SLC25A28: variants seen among roughly 807,000 people sequenced by gnomAD.
The protein encoded by SLC25A28 is solute carrier family 25 member 28.
In SLC25A28, 10 loss-of-function variants were observed where a neutral mutation model predicts 31.9. The observed-to-expected ratio is 0.31, with a 90% CI of 0.19 to 0.53. SLC25A28 has a LOEUF of 0.53. Ranked by LOEUF, SLC25A28 falls within the 20% of genes least tolerant of loss-of-function variation. The probability of loss-of-function intolerance (pLI) is 0.95; values close to 1 mark genes in which losing one functional copy is unlikely to be tolerated. For synonymous variants in SLC25A28, 208 were observed against 203.6 expected (o/e 1.02, Z -0.19); for missense variants, 256 against 490.3 (o/e 0.52, Z 4.51).
the SLC25A28 span, among the ~76,000 whole-genome samples, chr10:99,626,129 C>G: frequency 6.6e-6 from 1 of 152,208 alleles, no homozygotes; most frequent in Non-Finnish European, 1.5e-5. Context: ...ACCCCCTTCT[C>G]TGAACTGCCA....
chr10:99,617,611 C>T (rs2034688526), intron 1 of SLC25A28: 2 of 985,294 alleles, frequency 2.0e-6, no homozygotes, highest in Admixed American at 6.1e-5. Context: ...CATGCCTGCA[C>T]AAAAGTGTTT....
chr10:99,618,757 A>T, intron 1 of SLC25A28: 1 of 985,450 alleles, frequency 1.0e-6, no homozygotes, highest in East Asian at 1.1e-4. Context: ...GTCATTCACA[A>T]AGCTTAATGA....
the SLC25A28 span, among the ~76,000 whole-genome samples, chr10:99,650,240 C>T: frequency 3.9e-5 from 6 of 152,004 alleles, no homozygotes; most frequent in African/African-American, 1.2e-4. Flanking sequence ...TGCAGTGGTG[C>T]GATCACAGCT....
At position 99,613,606 on chromosome 10, in the gene SLC25A28, T is replaced by C; in HGVS notation, c.520+90A>G. Reference sequence around the variant, plus strand: ...GCCTATCCCAGCCCAAAGCTTCAGCTCCAAACCATGCTGAGACTGGAAAGC... The same window carrying C: ...GCCTATCCCAGCCCAAAGCTTCAGCCCCAAACCATGCTGAGACTGGAAAGC... On this transcript the variant is annotated intron_variant, in intron 2 of 3. Coordinates refer to ENST00000370495, the MANE Select transcript of SLC25A28 (RefSeq NM_031212.4). The surrounding 1 kb of genome is among the most constrained non-coding windows in gnomAD (Gnocchi z 4.9). 6.3e-7 allele frequency: 1 copy of C among 1,593,446 alleles called. No individual in the cohort carries two copies. The highest frequency in any genetic ancestry group is 8.5e-7 in the Non-Finnish European group (1 of 1,170,054).
chr10:99,620,401 G>C lies in SLC25A28; in HGVS notation c.-66C>G. 1.9e-6 allele frequency: 2 copies of C among 1,039,772 alleles called. No homozygotes were observed. Among genetic ancestry groups the C allele is most frequent in the Non-Finnish European group, 2.3e-6 (2 of 866,540 alleles). 64.4% of individuals were successfully genotyped at this position (1,039,772 alleles called of 1,614,324 possible). The stretch of plus-strand genomic sequence containing the variant: ...CCACCACTGCCGCCGCCGCCCCCCG[G>C]CCCCGTAGTGTCCGCCTCAGGCGCG... On this transcript the variant is annotated 5_prime_UTR_variant, in exon 1 of 4. Coordinates refer to ENST00000370495, the MANE Select transcript of SLC25A28 (RefSeq NM_031212.4).
chr10:99,639,163 A>G, the SLC25A28 span, among the ~76,000 whole-genome samples: 51 of 152,110 alleles, frequency 3.4e-4, no homozygotes, highest in East Asian at 9.5e-3. Context: ...CATAAAAAGG[A>G]GTGAACCAAT....
chr10:99,654,115 G>A, the SLC25A28 span, among the ~76,000 whole-genome samples: 1 of 152,148 alleles, frequency 6.6e-6, no homozygotes, highest in Non-Finnish European at 1.5e-5. Flanking sequence ...AATCAATTCT[G>A]AGAACTTTAA....
the SLC25A28 span, among the ~76,000 whole-genome samples, chr10:99,656,090 G>A: frequency 6.6e-6 from 1 of 152,160 alleles, no homozygotes; most frequent in Non-Finnish European, 1.5e-5. Context: ...ACCATGCTTA[G>A]GAATTTGGAC....
chr10:99,632,879 A>T, the SLC25A28 span, among the ~76,000 whole-genome samples: 2 of 152,210 alleles, frequency 1.3e-5, no homozygotes, highest in Non-Finnish European at 2.9e-5. Flanking sequence ...TTGTATCATA[A>T]ATAGTAGACC....
At chr10:99,651,617 G>C in the SLC25A28 span, among the ~76,000 whole-genome samples, 2 of 46,396 alleles carry the variant, frequency 4.3e-5, no homozygotes, top group African/African-American at 1.4e-4. Flanking sequence ...TTGAGGTAGG[G>C]TCTCACTCTG....
chr10:99,633,912 A>G, the SLC25A28 span, among the ~76,000 whole-genome samples: 1 of 152,262 alleles, frequency 6.6e-6, no homozygotes, highest in South Asian at 2.1e-4. Flanking sequence ...CCCCCCTGCC[A>G]CCTGCACTGG....
At chr10:99,646,408 A>G in the SLC25A28 span, among the ~76,000 whole-genome samples, 1 of 152,212 alleles carries the variant, frequency 6.6e-6, no homozygotes, top group African/African-American at 2.4e-5. Context: ...GACCATTGGA[A>G]AAGCGCAGTA....
At chr10:99,625,141 C>A (rs2034859879), upstream of SLC25A28, among the ~76,000 whole-genome samples, 1 of 151,874 alleles carries the variant, frequency 6.6e-6, no homozygotes, top group East Asian at 1.9e-4. Context: ...ATTGAAGCCG[C>A]AGACCTTTGC....
chr10:99,631,882 T>A, the SLC25A28 span, among the ~76,000 whole-genome samples: 1 of 94,056 alleles, frequency 1.1e-5, no homozygotes, highest in African/African-American at 4.0e-5. Flanking sequence ...TATGTTATTT[T>A]TTTTTTTTAT....
At chr10:99,620,729 G>A, upstream of SLC25A28, 2 of 985,622 alleles carry the variant, frequency 2.0e-6, no homozygotes, top group Non-Finnish European at 2.4e-6. Context: ...ACTTTGATAG[G>A]CTCAACCACT....
At chr10:99,645,490 G>T in the SLC25A28 span, among the ~76,000 whole-genome samples, 1 of 152,112 alleles carries the variant, frequency 6.6e-6, no homozygotes, top group Non-Finnish European at 1.5e-5. Flanking sequence ...CTTTGCGGTG[G>T]GTTCGAACAT....
chr10:99,641,461 A>G, the SLC25A28 span, among the ~76,000 whole-genome samples: 2 of 152,006 alleles, frequency 1.3e-5, no homozygotes, highest in South Asian at 4.1e-4. Context: ...TTGATTCTGG[A>G]TATTAGCCCT....
chr10:99,647,720 T>C, the SLC25A28 span, among the ~76,000 whole-genome samples: 1 of 152,230 alleles, frequency 6.6e-6, no homozygotes, highest in Non-Finnish European at 1.5e-5. Context: ...TGGTCATAAA[T>C]TCTTTGCCTA....
At chr10:99,642,003 T>C in the SLC25A28 span, among the ~76,000 whole-genome samples, 1 of 151,314 alleles carries the variant, frequency 6.6e-6, no homozygotes, top group African/African-American at 2.4e-5. Context: ...GGTAGCATGA[T>C]GCCTCCAGCT....
Sources: allele counts gnomAD v4.1 joint callset (sites outside exome capture counted in the v4.1 genomes callset), GRCh38; gene constraint gnomAD v4.1.1; non-coding constraint Gnocchi (gnomAD v3.1); transcripts MANE v1.5; gene names NCBI Gene and HGNC (gene_info 2026-07-23, HGNC 2026-07-21).